SKAP2: variants seen among roughly 807,000 people sequenced by gnomAD.
SKAP2 encodes the protein src kinase associated phosphoprotein 2.
Under a neutral mutation model 54.9 loss-of-function variants are expected in SKAP2, and 28 were observed. The ratio of observed to expected loss-of-function variants is 0.51; its 90% CI spans 0.38 to 0.70. The LOEUF is 0.70. Among genes scored for constraint, SKAP2 ranks in the 30% least tolerant of loss-of-function variants. The pLI, the probability that SKAP2 is intolerant of heterozygous loss-of-function variation, is 0.00. For missense variants in SKAP2, 356 were observed against 424.1 expected (o/e 0.84, Z 1.41); for synonymous variants, 137 against 134.3 (o/e 1.02, Z -0.14).
intron 11 of SKAP2, among the ~76,000 whole-genome samples, chr7:26,673,640 T>C (rs1158568575): frequency 6.6e-6 from 1 of 152,050 alleles, no homozygotes; most frequent in Non-Finnish European, 1.5e-5. Context: ...AAATGTAGTG[T>C]GGCAATCAAA....
chr7:26,744,673 T>C (rs1381984907), intron 4 of SKAP2, among the ~76,000 whole-genome samples: 1 of 152,076 alleles, frequency 6.6e-6, no homozygotes, highest in Non-Finnish European at 1.5e-5. Flanking sequence ...CAATACACTA[T>C]ATTCCAGGGT....
At chr7:26,799,081 A>C (rs1199146428) in intron 4 of SKAP2, among the ~76,000 whole-genome samples, 1 of 150,216 alleles carries the variant, frequency 6.7e-6, no homozygotes, top group Non-Finnish European at 1.5e-5. Context: ...AGGGCAAGGC[A>C]AGGCAGGGCA....
intron 1 of SKAP2, among the ~76,000 whole-genome samples, chr7:26,855,781 T>C (rs1162939220): frequency 6.6e-6 from 1 of 152,104 alleles, no homozygotes. Flanking sequence ...TGAAATACTG[T>C]GCAATTTTAA....
rs184271546 is a variant in SKAP2 at position 26,684,938 on chromosome 7, T to C, written c.875-90A>G. On this transcript the variant is annotated intron_variant, in intron 10 of 12. Coordinates refer to ENST00000345317, the MANE Select transcript of SKAP2 (RefSeq NM_003930.5). Reference sequence around the variant, plus strand: ...AACCAGTAGAAATTAAATGATGCCCTAGATCACTAAAATAGTCTAAAAAAA... The same window carrying C: ...AACCAGTAGAAATTAAATGATGCCCCAGATCACTAAAATAGTCTAAAAAAA... 1,002 of 726,138 alleles carry C rather than the reference T, an allele frequency of 1.4e-3. 3 individuals are homozygous for C. Among genetic ancestry groups the C allele is most frequent in the Middle Eastern group, 6.7e-3 (28 of 4,166 alleles). 45.0% of individuals were successfully genotyped at this position (726,138 alleles called of 1,614,324 possible). A position where few individuals can be genotyped will look rare whatever the true frequency, so the allele number is the denominator to read the frequency against.
intron 9 of SKAP2, among the ~76,000 whole-genome samples, chr7:26,703,644 A>G (rs1787095231): frequency 6.6e-6 from 1 of 152,174 alleles, no homozygotes; most frequent in Non-Finnish European, 1.5e-5. Context: ...GAACTATAAA[A>G]TCTGCTTTAG....
intron 4 of SKAP2, among the ~76,000 whole-genome samples, chr7:26,821,107 AT>A (rs1460715123): frequency 7.0e-6 from 1 of 143,742 alleles, no homozygotes; most frequent in Non-Finnish European, 1.6e-5. Flanking sequence ...ATGATGAAAC[AT>A]AAGAGTTTAT....
chr7:26,773,875 A>T (rs1783241875), intron 4 of SKAP2, among the ~76,000 whole-genome samples: 1 of 152,212 alleles, frequency 6.6e-6, no homozygotes, highest in Non-Finnish European at 1.5e-5. Context: ...AAACATCAAT[A>T]CCTGGGGTAA....
At chr7:26,722,814 C>T (rs771189340) in intron 9 of SKAP2, among the ~76,000 whole-genome samples, 1 of 152,130 alleles carries the variant, frequency 6.6e-6, no homozygotes, top group Non-Finnish European at 1.5e-5. Flanking sequence ...TAAGAGCTTT[C>T]GTTTCTCAGA....
chr7:26,836,524 C>T (rs770485749), intron 4 of SKAP2, among the ~76,000 whole-genome samples: 5 of 152,124 alleles, frequency 3.3e-5, no homozygotes, highest in African/African-American at 7.2e-5. Flanking sequence ...AAAAAGTGGG[C>T]GAAGGATATG....
At chr7:26,856,664 C>T (rs1477357372) in intron 1 of SKAP2, among the ~76,000 whole-genome samples, 1 of 152,116 alleles carries the variant, frequency 6.6e-6, no homozygotes, top group East Asian at 1.9e-4. Context: ...GAGATCATTA[C>T]AGTAACTTTT....
chr7:26,671,038 T>C (rs898645318), intron 11 of SKAP2, among the ~76,000 whole-genome samples: 1 of 151,938 alleles, frequency 6.6e-6, no homozygotes, highest in Non-Finnish European at 1.5e-5. Context: ...TATACCTCCT[T>C]TTCTCCCACT....
chr7:26,837,461 C>T (rs929394652), intron 4 of SKAP2, among the ~76,000 whole-genome samples: 1 of 151,956 alleles, frequency 6.6e-6, no homozygotes, highest in Admixed American at 6.6e-5. Flanking sequence ...GAAGGCAAAG[C>T]GGGAGCAGGC....
chr7:26,786,148 C>T (rs890145577), intron 4 of SKAP2, among the ~76,000 whole-genome samples: 4 of 152,142 alleles, frequency 2.6e-5, no homozygotes, highest in African/African-American at 9.7e-5. Context: ...CAATTCTATA[C>T]AAACTATTTG....
chr7:26,802,983 G>T (rs1196102487), intron 4 of SKAP2, among the ~76,000 whole-genome samples: 4 of 152,100 alleles, frequency 2.6e-5, no homozygotes, highest in Admixed American at 1.3e-4. Flanking sequence ...ATGGATTAAA[G>T]ACTTAAATCT....
intron 9 of SKAP2, among the ~76,000 whole-genome samples, chr7:26,696,438 T>A (rs896526944): frequency 6.6e-6 from 1 of 152,146 alleles, no homozygotes; most frequent in African/African-American, 2.4e-5. Flanking sequence ...TATTTCAAAG[T>A]AGGAAGAGTA....
chr7:26,741,131 T>A (rs1165327276), intron 4 of SKAP2, among the ~76,000 whole-genome samples: 2 of 151,934 alleles, frequency 1.3e-5, no homozygotes, highest in African/African-American at 4.8e-5. Flanking sequence ...AAAATGTGTT[T>A]GAGTACAAAC....
chr7:26,829,451 G>A (rs1784559233), intron 4 of SKAP2, among the ~76,000 whole-genome samples: 1 of 152,118 alleles, frequency 6.6e-6, no homozygotes, highest in Admixed American at 6.6e-5. Flanking sequence ...GCTGAGTTGA[G>A]AGGATTCGTT....
intron 9 of SKAP2, among the ~76,000 whole-genome samples, chr7:26,690,899 G>C (rs559954619): frequency 6.6e-6 from 1 of 152,088 alleles, no homozygotes; most frequent in Non-Finnish European, 1.5e-5. Flanking sequence ...ATTTTTTTGA[G>C]TATCACATAA....
chr7:26,673,886 T>C (rs1054662916), intron 11 of SKAP2, among the ~76,000 whole-genome samples: 1 of 152,106 alleles, frequency 6.6e-6, no homozygotes, highest in Non-Finnish European at 1.5e-5. Context: ...AGAGACTTTA[T>C]CCAACATAAT....
Sources: allele counts gnomAD v4.1 joint callset (sites outside exome capture counted in the v4.1 genomes callset), GRCh38; gene constraint gnomAD v4.1.1; transcripts MANE v1.5; gene names NCBI Gene and HGNC (gene_info 2026-07-23, HGNC 2026-07-21).